Variants in LRRC17 observed in about 807,000 individuals in gnomAD.
LRRC17 encodes the protein leucine rich repeat containing 17.
LRRC17 carries 33 observed loss-of-function variants against 41.5 expected under a neutral mutation model. The observed-to-expected ratio is 0.80, with a 90% CI of 0.60 to 1.06. The LOEUF (loss-of-function observed/expected upper bound fraction) is 1.06, where lower values mean the gene tolerates loss of function less well. LRRC17 is among the 50% of genes least tolerant of loss of function. The pLI is 0.00. For synonymous variants in LRRC17, 192 were observed against 197.0 expected (o/e 0.97, Z 0.21); for missense variants, 491 against 519.3 (o/e 0.95, Z 0.53).
intron 1 of LRRC17, among the ~76,000 whole-genome samples, chr7:102,930,221 T>C (rs1412747516): frequency 6.6e-6 from 1 of 152,108 alleles, no homozygotes; most frequent in Non-Finnish European, 1.5e-5. Flanking sequence ...ATTCATGCAG[T>C]CTTTTCACCA....
At chr7:102,913,993 A>G (rs1815296088) in intron 1 of LRRC17, among the ~76,000 whole-genome samples, 1 of 152,214 alleles carries the variant, frequency 6.6e-6, no homozygotes. Context: ...AGTTAGGATG[A>G]GCCTGTACTA....
At chr7:102,937,530 G>A (rs990112474) in intron 2 of LRRC17, among the ~76,000 whole-genome samples, 1 of 144,008 alleles carries the variant, frequency 6.9e-6, no homozygotes, top group Admixed American at 7.0e-5. Context: ...AAAAATGAAG[G>A]GTAGCTTTGT....
At chr7:102,926,524 A>T (rs959396777) in intron 1 of LRRC17, 2 of 603,080 alleles carry the variant, frequency 3.3e-6, no homozygotes, top group African/African-American at 3.8e-5. Flanking sequence ...TTAGGTTGAA[A>T]TGAAATTAAA....
intron 3 of LRRC17, among the ~76,000 whole-genome samples, chr7:102,943,214 C>T (rs986580329): frequency 3.9e-5 from 6 of 152,000 alleles, no homozygotes; most frequent in Admixed American, 2.6e-4. Context: ...TACTGATATC[C>T]CAGGAACTGT....
At position 102,934,043 on chromosome 7, in the gene LRRC17, C is replaced by T. The variant is rs1267050283; in HGVS notation, c.130C>T (p.Pro44Ser). The T allele has an allele frequency of 1.2e-6, 2 of 1,613,974 alleles. No homozygotes were observed. The highest frequency in any genetic ancestry group is 2.7e-5 in the African/African-American group (2 of 74,934). Residue 44 changes from proline (P) to serine (S), a missense_variant, in exon 2 of 4, where the codon CCG (proline) becomes TCG (serine). Transcript: ENST00000339431. The stretch of plus-strand genomic sequence containing the variant: ...GGGTGGAGGCCGGAGAGGCTCCAAC[C>T]CGGTCAAACGCTACGCACCAGGCCT... Reference protein sequence around the residue: ...RAGGGRRGSNPVKRYAPGLPC... With the variant: ...RAGGGRRGSNSVKRYAPGLPC...
intron 1 of LRRC17, among the ~76,000 whole-genome samples, chr7:102,928,896 A>C (rs1377269520): frequency 1.3e-5 from 2 of 152,250 alleles, no homozygotes; most frequent in Non-Finnish European, 2.9e-5. Context: ...CAGAGAAAGC[A>C]GAACATTTTT....
At chr7:102,935,037 CT>C (rs368588095) in intron 2 of LRRC17, among the ~76,000 whole-genome samples, 1 of 152,074 alleles carries the variant, frequency 6.6e-6, no homozygotes, top group African/African-American at 2.4e-5. Flanking sequence ...CAAATGCCAT[CT>C]ATATAACCTG....
At chr7:102,929,012 C>T (rs956045668) in intron 1 of LRRC17, among the ~76,000 whole-genome samples, 1 of 152,132 alleles carries the variant, frequency 6.6e-6, no homozygotes, top group South Asian at 2.1e-4. Context: ...TGTTAAAGTA[C>T]AAGCCACTGA....
At chr7:102,928,831 A>G (rs1818612432) in intron 1 of LRRC17, among the ~76,000 whole-genome samples, 1 of 152,246 alleles carries the variant, frequency 6.6e-6, no homozygotes, top group Non-Finnish European at 1.5e-5. Context: ...AAGATTTAAA[A>G]TCCTTCTTCA....
intron 1 of LRRC17, 109 bp downstream of exon 1, chr7:102,913,254 C>T: frequency 6.2e-7 from 1 of 1,610,560 alleles, no homozygotes; most frequent in Non-Finnish European, 8.5e-7. Flanking sequence ...TATTATACTT[C>T]CGTTGTTCTC....
At chr7:102,926,665 A>G (rs1241979227) in intron 1 of LRRC17, among the ~76,000 whole-genome samples, 2 of 152,204 alleles carry the variant, frequency 1.3e-5, no homozygotes, top group Non-Finnish European at 2.9e-5. Context: ...CTGTCACACG[A>G]AATTTGAGCT....
chr7:102,935,238 C>CTTTT (rs1563116555), intron 2 of LRRC17, among the ~76,000 whole-genome samples: 2 of 84,472 alleles, frequency 2.4e-5, no homozygotes, highest in African/African-American at 4.7e-5. Flanking sequence ...TTTTTTTTTT[C>CTTTT]TTTCTTTTTT....
At chr7:102,931,392 G>A (rs1174380592) in intron 1 of LRRC17, among the ~76,000 whole-genome samples, 1 of 152,152 alleles carries the variant, frequency 6.6e-6, no homozygotes, top group Non-Finnish European at 1.5e-5. Flanking sequence ...GGTGGAAGAT[G>A]AGAGTGAAGT....
chr7:102,940,821 C>CA (rs1821286232), intron 3 of LRRC17, among the ~76,000 whole-genome samples: 1 of 152,158 alleles, frequency 6.6e-6, no homozygotes, highest in South Asian at 2.1e-4. Context: ...AGATTTATAA[C>CA]ATATATAACA....
At chr7:102,917,300 G>A (rs1816090384) in intron 1 of LRRC17, among the ~76,000 whole-genome samples, 1 of 152,082 alleles carries the variant, frequency 6.6e-6, no homozygotes, top group Non-Finnish European at 1.5e-5. Flanking sequence ...CAAGCCAATT[G>A]AAAGGTCAAT....
chr7:102,916,178 G>T (rs969753281), intron 1 of LRRC17, among the ~76,000 whole-genome samples: 1 of 151,950 alleles, frequency 6.6e-6, no homozygotes, highest in African/African-American at 2.4e-5. Flanking sequence ...TTAGAGACAG[G>T]GTTTTACCAT....
chr7:102,914,017 C>T (rs529318473), intron 1 of LRRC17, among the ~76,000 whole-genome samples: 2 of 152,244 alleles, frequency 1.3e-5, no homozygotes, highest in South Asian at 4.1e-4. Flanking sequence ...TACGAGGGCT[C>T]GCAGTTTGAG....
intron 1 of LRRC17, among the ~76,000 whole-genome samples, chr7:102,924,120 C>T (rs1045604697): frequency 6.6e-6 from 1 of 151,866 alleles, no homozygotes; most frequent in African/African-American, 2.4e-5. Context: ...TGCCTCTAAT[C>T]CCAGCTACTT....
At chr7:102,925,926 G>T (rs1173059594) in intron 1 of LRRC17, among the ~76,000 whole-genome samples, 1 of 127,464 alleles carries the variant, frequency 7.8e-6, no homozygotes, top group African/African-American at 2.9e-5. Flanking sequence ...GGGCGACAGA[G>T]CAAGACTCTG....
Sources: gnomAD v4.1 joint callset for allele counts (sites outside exome capture counted in the v4.1 genomes callset) on GRCh38, gnomAD v4.1.1 for gene constraint, MANE v1.5 for transcripts, NCBI Gene and HGNC (gene_info 2026-07-23, HGNC 2026-07-21) for gene names.